The following WDR64 variants were observed in gnomAD, a reference collection of about 807,000 sequenced individuals.
WDR64 encodes the protein WD repeat domain 64.
WDR64 carries 112 observed loss-of-function variants against 139.3 expected under a neutral mutation model. The ratio of observed to expected loss-of-function variants is 0.80; its 90% CI spans 0.69 to 0.94. The LOEUF is 0.94. Ranked by LOEUF, WDR64 falls within the 40% of genes least tolerant of loss-of-function variation. The pLI is 0.00. For synonymous variants in WDR64, 444 were observed against 437.7 expected (o/e 1.01, Z -0.18); for missense variants, 1,206 against 1,293.1 (o/e 0.93, Z 1.03).
chr1:241,727,008 T>C (rs2148209323), intron 10 of WDR64, among the ~76,000 whole-genome samples: 1 of 152,200 alleles, frequency 6.6e-6, no homozygotes, highest in East Asian at 1.9e-4. Flanking sequence ...TGCCTCAGCC[T>C]CCCAAGTAGC....
chr1:241,754,208 ATTTTT>A (rs990170629), intron 14 of WDR64, among the ~76,000 whole-genome samples: 1 of 151,722 alleles, frequency 6.6e-6, no homozygotes, highest in African/African-American at 2.4e-5. Context: ...TGTTTTTTAA[ATTTTT>A]TTAATAGTGG....
chr1:241,682,288 G>C (rs1311563589), intron 6 of WDR64, among the ~76,000 whole-genome samples: 1 of 152,156 alleles, frequency 6.6e-6, no homozygotes. Context: ...GATCCATCTT[G>C]AGTTGATTTT....
At chr1:241,683,420 T>C in intron 6 of WDR64, 67 bp from the exon 7 acceptor site, 1 of 1,465,166 alleles carries the variant, frequency 6.8e-7, no homozygotes, top group African/African-American at 1.4e-5. Context: ...TTTTGTCAAA[T>C]AATAGGGGAA....
chr1:241,745,426 G>A (rs964304289), intron 13 of WDR64, among the ~76,000 whole-genome samples: 1 of 144,190 alleles, frequency 6.9e-6, no homozygotes, highest in African/African-American at 2.9e-5. Flanking sequence ...GACATGAAAT[G>A]TGGTTGTTGA....
At chr1:241,765,720 G>A (rs1658129142) in intron 15 of WDR64, among the ~76,000 whole-genome samples, 1 of 152,164 alleles carries the variant, frequency 6.6e-6, no homozygotes, top group Non-Finnish European at 1.5e-5. Context: ...TGTTTCTCCA[G>A]ATCACAGATG....
At chr1:241,741,827 G>A (rs6671725) in intron 12 of WDR64, among the ~76,000 whole-genome samples, 163 bp downstream of exon 12, 22,720 of 152,176 alleles carry the variant, frequency 0.15, 1,897 homozygotes, top group African/African-American at 0.19. Context: ...AAAAACAAGC[G>A]TTTTAATTAA....
intron 17 of WDR64, among the ~76,000 whole-genome samples, chr1:241,770,173 T>G (rs1436681491): frequency 6.6e-6 from 1 of 152,166 alleles, no homozygotes. Context: ...GGACTTATTC[T>G]GTAGACATCT....
At chr1:241,706,695 T>C (rs1667966619) in intron 8 of WDR64, among the ~76,000 whole-genome samples, 1 of 152,246 alleles carries the variant, frequency 6.6e-6, no homozygotes. Context: ...ATAGAGATAA[T>C]ACTACCTGCT....
intron 2 of WDR64, among the ~76,000 whole-genome samples, chr1:241,664,249 G>A (rs1665945441): frequency 6.6e-6 from 1 of 152,100 alleles, no homozygotes; most frequent in South Asian, 2.1e-4. Context: ...TGAGAATCAG[G>A]TTTTCTCACT....
chr1:241,655,970 G>A (rs914115476), intron 1 of WDR64, among the ~76,000 whole-genome samples: 1 of 151,880 alleles, frequency 6.6e-6, no homozygotes, highest in Non-Finnish European at 1.5e-5. Context: ...GCTGGCACAG[G>A]GCCTGGTGTC....
At chr1:241,758,665 CA>C (rs1574074735) in intron 15 of WDR64, among the ~76,000 whole-genome samples, 1 of 152,056 alleles carries the variant, frequency 6.6e-6, no homozygotes, top group African/African-American at 2.4e-5. Flanking sequence ...TATTGATGCC[CA>C]AACTGTCCCA....
chr1:241,713,540 AGGG>A (rs1344857203), intron 9 of WDR64, among the ~76,000 whole-genome samples: 7 of 104,292 alleles, frequency 6.7e-5, no homozygotes, highest in African/African-American at 1.9e-4. Context: ...CAAGGAAGGG[AGGG>A]AGGGAGGGAG....
chr1:241,766,199 TG>T lies in WDR64; in HGVS notation c.1948-18del. 6.2e-7 allele frequency: 1 copy of T among 1,612,572 alleles called. No individual in the cohort carries two copies. The highest frequency in any genetic ancestry group is 8.5e-7 in the Non-Finnish European group (1 of 1,179,056). ...CATGAATACTATATTTATGGTGTTC[TG>T]TTTCCTTCGTTCTTCAGAATCCCAC... On this transcript the variant is annotated intron_variant, in intron 15 of 27. Transcript: ENST00000437684.
chr1:241,719,024 C>G (rs1668508160), intron 9 of WDR64, among the ~76,000 whole-genome samples: 1 of 152,114 alleles, frequency 6.6e-6, no homozygotes, highest in Non-Finnish European at 1.5e-5. Flanking sequence ...GGAATGAATT[C>G]ACTCAATTGC....
At chr1:241,716,727 G>A (rs1051825411) in intron 9 of WDR64, among the ~76,000 whole-genome samples, 10 of 152,006 alleles carry the variant, frequency 6.6e-5, no homozygotes, top group African/African-American at 2.4e-4. Context: ...TGAGAGCTTC[G>A]CATCTGTCCC....
At chr1:241,689,161 C>T (rs1667118235) in intron 8 of WDR64, among the ~76,000 whole-genome samples, 1 of 152,132 alleles carries the variant, frequency 6.6e-6, no homozygotes, top group African/African-American at 2.4e-5. Context: ...GACTTACTCA[C>T]AGGATTCACC....
chr1:241,674,392 G>A (rs894756728), intron 3 of WDR64, among the ~76,000 whole-genome samples: 6 of 151,424 alleles, frequency 4.0e-5, no homozygotes, highest in Admixed American at 3.9e-4. Context: ...GAGGAACTGG[G>A]ACTATAGGCA....
chr1:241,726,037 G>A (rs1255746971), intron 10 of WDR64, among the ~76,000 whole-genome samples: 1 of 129,080 alleles, frequency 7.7e-6, no homozygotes, highest in African/African-American at 2.6e-5. Context: ...TTTTTGTAGA[G>A]AGCTCTCTTT....
chr1:241,723,762 G>C (rs2148201514), intron 10 of WDR64, among the ~76,000 whole-genome samples: 1 of 142,212 alleles, frequency 7.0e-6, no homozygotes, highest in East Asian at 1.9e-4. Flanking sequence ...TTATTAAACA[G>C]TGTTTGAAAC....
Sources: allele counts gnomAD v4.1 joint callset (sites outside exome capture counted in the v4.1 genomes callset), GRCh38; gene constraint gnomAD v4.1.1; transcripts MANE v1.5; gene names NCBI Gene and HGNC (gene_info 2026-07-23, HGNC 2026-07-21).